Variants in TGM2 observed in about 807,000 individuals in gnomAD.
TGM2 encodes transglutaminase 2, also known as protein-glutamine gamma-glutamyltransferase 2.
A neutral mutation model predicts 75.6 loss-of-function variants in TGM2; 53 were observed. The ratio of observed to expected loss-of-function variants is 0.70; its 90% confidence interval spans 0.56 to 0.88. TGM2 has a LOEUF of 0.88. TGM2 is among the 40% of genes least tolerant of loss of function. TGM2 has a pLI of 0.00. For synonymous variants in TGM2, 374 were observed against 381.1 expected (o/e 0.98, Z 0.22); for missense variants, 842 against 928.5 (o/e 0.91, Z 1.21).
In TGM2 at chr20:38,127,876, T is replaced by C. The variant is rs1283649278; in HGVS notation, c.*2343A>G. 6.6e-6 allele frequency: 1 copy of C among 152,184 alleles called. No individual in the cohort carries two copies. Among genetic ancestry groups the C allele is most frequent in the South Asian group, 2.1e-4 (1 of 4,836 alleles). The allele number at this position is 152,184 out of a possible 1,614,324, so 9.4% of individuals were successfully genotyped here. A position where few individuals can be genotyped will look rare whatever the true frequency, so the allele number is the denominator to read the frequency against. ...ATTTGTGGCTCATGTATTATTTCTA[T>C]GGGACAGCACAGGTCTTGTGGGAGT... On this transcript the variant is annotated 3_prime_UTR_variant, in exon 13 of 13. Coordinates refer to ENST00000361475, the MANE Select transcript of TGM2 (RefSeq NM_004613.4).
chr20:38,140,742 T>C (rs2074961841), intron 8 of TGM2, among the ~76,000 whole-genome samples: 1 of 152,248 alleles, frequency 6.6e-6, no homozygotes, highest in South Asian at 2.1e-4. Flanking sequence ...ATATCATAAA[T>C]TCATTTTTTA....
intron 2 of TGM2, among the ~76,000 whole-genome samples, chr20:38,157,111 G>A (rs781172195): frequency 5.9e-5 from 9 of 152,168 alleles, no homozygotes; most frequent in East Asian, 1.9e-4. Context: ...CTGGCTGGGC[G>A]GGTGCCCAGG....
intron 4 of TGM2, among the ~76,000 whole-genome samples, chr20:38,148,780 C>A (rs998801824): frequency 2.0e-5 from 3 of 152,174 alleles, no homozygotes; most frequent in Non-Finnish European, 4.4e-5. Flanking sequence ...ATGCTCTTCC[C>A]GCTGCTCTCT....
upstream of TGM2, among the ~76,000 whole-genome samples, chr20:38,166,029 A>G (rs1294453764): frequency 1.8e-5 from 1 of 55,908 alleles, no homozygotes; most frequent in Admixed American, 1.7e-4. Context: ...GTGGACGCAA[A>G]ATCAGAGAGG....
At chr20:38,157,444 C>T (rs1378960911) in intron 2 of TGM2, among the ~76,000 whole-genome samples, 1 of 152,238 alleles carries the variant, frequency 6.6e-6, no homozygotes, top group African/African-American at 2.4e-5. Flanking sequence ...TGCCCCTGAG[C>T]ACTGTGTGAC....
chr20:38,164,710 C>G (rs929559394), intron 1 of TGM2, among the ~76,000 whole-genome samples: 2 of 152,152 alleles, frequency 1.3e-5, no homozygotes, highest in African/African-American at 4.8e-5. Flanking sequence ...TCCGAAGGCT[C>G]CTGGATAGGA....
chr20:38,155,851 G>T lies in TGM2; in HGVS notation c.429C>A (p.Cys143Ter). 6.3e-7 allele frequency: 1 copy of T among 1,597,294 alleles called. No homozygotes were observed. Among genetic ancestry groups the T allele is most frequent in the Admixed American group, 1.8e-5 (1 of 56,752 alleles). Residue 143 changes from cysteine (C) to a stop codon, truncating the protein, a stop_gained, in exon 3 of 13, where the codon TGC (cysteine) becomes TGA (stop). Coordinates refer to ENST00000361475, the MANE Select transcript of TGM2 (RefSeq NM_004613.4). LOFTEE classifies it high-confidence loss of function. ...GHFILLFNAW[C>*]PADAVYLDSE... Reference sequence around the variant, plus strand: ...AGTGGATGGCGTGTGGCTCACCTGGGCACCAGGCGTTGAAGAGCAAAATGA... The same window carrying T: ...AGTGGATGGCGTGTGGCTCACCTGGTCACCAGGCGTTGAAGAGCAAAATGA...
At position 38,127,457 on chromosome 20, in the gene TGM2, TGGGG is replaced by T. The variant is rs2074778430; in HGVS notation, c.*2758_*2761del. On this transcript the variant is annotated 3_prime_UTR_variant, in exon 13 of 13. Coordinates refer to ENST00000361475, the MANE Select transcript of TGM2 (RefSeq NM_004613.4). ...GTCTTTCTACATGACTTCCCAAGGG[TGGGG>T]ACTGTCCCCATCATCTATTCATTCA... 1.3e-6 allele frequency: 1 copy of T among 787,434 alleles called. No individual in the cohort carries two copies. The highest frequency in any genetic ancestry group is 1.5e-6 in the Non-Finnish European group (1 of 649,420). The allele number at this position is 787,434 out of a possible 1,614,324, so 48.8% of individuals were successfully genotyped here. A position where few individuals can be genotyped will look rare whatever the true frequency, so the allele number is the denominator to read the frequency against.
At chr20:38,164,703 G>A (rs142201205) in intron 1 of TGM2, among the ~76,000 whole-genome samples, 9 of 152,268 alleles carry the variant, frequency 5.9e-5, no homozygotes, top group African/African-American at 2.2e-4. Flanking sequence ...CCTGATTTCC[G>A]AAGGCTCCTG....
At chr20:38,154,627 C>T (rs901365592) in intron 3 of TGM2, among the ~76,000 whole-genome samples, 1 of 152,172 alleles carries the variant, frequency 6.6e-6, no homozygotes, top group African/African-American at 2.4e-5. Context: ...CCTCAGTTTC[C>T]TGTGTGTGAA....
rs1555809515 is a variant in TGM2, at chr20:38,149,692, A to AAAAAAAAAAAAAAAC, written c.552+1246_552+1247insGTTTTTTTTTTTTTT. On this transcript the variant is annotated intron_variant, in intron 4 of 12. Transcript: ENST00000361475. ...AGACTCCGCCTCAAAAAAAAAAAAA[A>AAAAAAAAAAAAAAAC]AAAAAAAAACAGGACCCTGGGAAAT... 4.8e-3 allele frequency among the ~76,000 whole-genome samples: 708 copies of AAAAAAAAAAAAAAAC among 147,078 alleles called. 24 individuals carry two copies. Among genetic ancestry groups the AAAAAAAAAAAAAAAC allele is most frequent in the African/African-American group, 0.016 (623 of 38,360 alleles).
chr20:38,145,050 A>G (rs1203197648), intron 6 of TGM2, among the ~76,000 whole-genome samples: 1 of 152,160 alleles, frequency 6.6e-6, no homozygotes, highest in African/African-American at 2.4e-5. Context: ...GAGGTGTTTT[A>G]GGGCTCTCAG....
At chr20:38,149,157 C>T (rs2075083041) in intron 4 of TGM2, among the ~76,000 whole-genome samples, 1 of 152,198 alleles carries the variant, frequency 6.6e-6, no homozygotes, top group Admixed American at 6.5e-5. Flanking sequence ...CTTTCACTTG[C>T]ATAGTTCCCT....
chr20:38,142,011 C>T (rs2074980555), intron 7 of TGM2, 53 bp downstream of exon 7: 1 of 1,611,550 alleles, frequency 6.2e-7, no homozygotes, highest in African/African-American at 1.3e-5. Flanking sequence ...AAGGTTTCCT[C>T]TCCATGGGGC....
rs1257075846 is a variant in TGM2 at position 38,128,510 on chromosome 20, T to TTC, written c.*1707_*1708dup. The stretch of plus-strand genomic sequence containing the variant: ...TTATTTCAGTGTTTGCTCCTTGCGG[T>TTC]TCAGAAGCACATCTACTGCCTGGTT... On this transcript the variant is annotated 3_prime_UTR_variant, in exon 13 of 13. Coordinates refer to ENST00000361475, the MANE Select transcript of TGM2 (RefSeq NM_004613.4). The TTC allele has an allele frequency of 1.3e-5, 2 of 152,342 alleles. No homozygotes were observed. Among genetic ancestry groups the TTC allele is most frequent in the East Asian group, 3.9e-4 (2 of 5,192 alleles). 9.4% of individuals were successfully genotyped at this position (152,342 alleles called of 1,614,324 possible).
At position 38,130,616 on chromosome 20, in the gene TGM2, G is replaced by A. The variant is rs545006359; in HGVS notation, c.1914-247C>T. Among the ~76,000 whole-genome samples the A allele has an allele frequency of 5.9e-5, 9 of 152,352 alleles. No homozygotes were observed. The South Asian group carries it at 6.2e-4, about 11-fold the overall frequency. On this transcript the variant is annotated intron_variant, in intron 12 of 12. Transcript: ENST00000361475. ...TAGGGGCACAAGGGGATAGGCTCAGGTAGCCGTGTGTGTGAAAATGTATTG... is the reference window on the plus strand; with the variant it reads ...TAGGGGCACAAGGGGATAGGCTCAGATAGCCGTGTGTGTGAAAATGTATTG...
At position 38,141,848 on chromosome 20, in the gene TGM2, T is replaced by C. The variant is rs532028342; in HGVS notation, c.995+216A>G. 5.7e-4 allele frequency among the ~76,000 whole-genome samples: 87 copies of C among 152,012 alleles called. 3 individuals carry two copies. The South Asian group carries it at 0.018, about 31-fold the overall frequency. ...CAAGCCTGGGCCCCCTAATGTGGCA[T>C]TCCAGACTCCCGACAACATTTGCAG... is the stretch of plus-strand genomic sequence containing the variant. On this transcript the variant is annotated intron_variant, in intron 7 of 12. Coordinates refer to ENST00000361475, the MANE Select transcript of TGM2 (RefSeq NM_004613.4).
rs759964200 is a variant in TGM2, at chr20:38,148,043, T to G, written c.599A>C (p.Asn200Thr). ...GCCGGCGTTCTTCAGGAACTTGGGG[T>G]TGACATCTAGAAGGATCAGGCAGAT... ...LDICLILLDV[N>T]PKFLKNAGRD... The change falls in exon 5 of 13, where the codon AAC becomes ACC. Residue 200 changes from asparagine (N) to threonine (T), a missense_variant. Transcript: ENST00000361475. The G allele has an allele frequency of 1.2e-6, 2 of 1,613,470 alleles. No homozygotes were observed. Among genetic ancestry groups the G allele is most frequent in the African/African-American group, 2.7e-5 (2 of 74,848 alleles).
rs372042973 is a variant in TGM2 at position 38,130,029 on chromosome 20, G to A, written c.*190C>T. On this transcript the variant is annotated 3_prime_UTR_variant, in exon 13 of 13. Coordinates refer to ENST00000361475, the MANE Select transcript of TGM2 (RefSeq NM_004613.4). The stretch of plus-strand genomic sequence containing the variant: ...ACAGAGCATTCCTCACAGCAAAGGG[G>A]GTGAGTGGGGACCCACAGGCTCAGG... 25 of 700,810 alleles carry A rather than the reference G, an allele frequency of 3.6e-5. No homozygotes were observed. In the South Asian group the frequency reaches 4.0e-4, roughly 11 times the overall value. The allele number at this position is 700,810 out of a possible 1,614,324, so 43.4% of individuals were successfully genotyped here. A position where few individuals can be genotyped will look rare whatever the true frequency, so the allele number is the denominator to read the frequency against.
Sources: gnomAD v4.1 joint callset for allele counts (sites outside exome capture counted in the v4.1 genomes callset) on GRCh38, gnomAD v4.1.1 for gene constraint, MANE v1.5 for transcripts, NCBI Gene and HGNC (gene_info 2026-07-23, HGNC 2026-07-21) for gene names.